The following COL22A1 variants were observed in gnomAD, a reference collection of about 807,000 sequenced individuals.
The protein encoded by COL22A1 is collagen type XXII alpha 1 chain.
Under a neutral mutation model 248.9 loss-of-function variants are expected in COL22A1, and 221 were observed. That is an observed-to-expected ratio of 0.89 (90% CI 0.80 to 0.99). COL22A1 has a LOEUF of 0.99. COL22A1 is among the 50% of genes least tolerant of loss of function. The probability of loss-of-function intolerance (pLI) is 0.00; values close to 1 mark genes in which losing one functional copy is unlikely to be tolerated. For synonymous variants in COL22A1, 891 were observed against 793.4 expected, an observed-to-expected ratio of 1.12 and a Z score of -2.07; for missense variants, 2,240 against 2,179.0, an observed-to-expected ratio of 1.03 and a Z score of -0.56.
intron 19 of COL22A1, 64 bp downstream of exon 19, chr8:138,755,721 G>T: frequency 2.0e-6 from 3 of 1,521,022 alleles, no homozygotes; most frequent in South Asian, 2.2e-5. Context: ...TAGAGGTGAA[G>T]ACTCATCCAA....
At chr8:138,630,649 G>C in intron 50 of COL22A1, 46 bp downstream of exon 50, 1 of 1,563,260 alleles carries the variant, frequency 6.4e-7, no homozygotes, top group Non-Finnish European at 8.8e-7. Context: ...GTTCCAGAAA[G>C]GCTAAAGACA....
At chr8:138,707,630 G>A (rs915213156) in intron 30 of COL22A1, among the ~76,000 whole-genome samples, 10 of 152,108 alleles carry the variant, frequency 6.6e-5, no homozygotes, top group South Asian at 4.1e-4. Flanking sequence ...TTGATGGGAC[G>A]TATCTCAAAA....
At position 138,826,795 on chromosome 8, in the gene COL22A1, G is replaced by A; in HGVS notation, c.846-14C>T. 1 of 1,613,744 alleles carries A rather than the reference G, an allele frequency of 6.2e-7. No homozygotes were observed. Among genetic ancestry groups the A allele is most frequent in the South Asian group, 1.1e-5 (1 of 90,994 alleles). On this transcript the variant is annotated splice_polypyrimidine_tract_variant and intron_variant, in intron 5 of 64. Coordinates refer to ENST00000303045, the MANE Select transcript of COL22A1 (RefSeq NM_152888.3). ...GGGAACACATCCCTGGAGAAAAATG[G>A]AGACAAAGACACCAGGCTTGGCGAT...
At chr8:138,627,832 T>C (rs903040534) in intron 50 of COL22A1, among the ~76,000 whole-genome samples, 3 of 152,206 alleles carry the variant, frequency 2.0e-5, no homozygotes, top group African/African-American at 7.2e-5. Flanking sequence ...AGTTATTTGC[T>C]ATGAAAGTCA....
rs12677298 is a variant in COL22A1 at position 138,700,355 on chromosome 8, C to T, written c.2560-211G>A. 0.012 allele frequency among the ~76,000 whole-genome samples: 1,834 copies of T among 152,278 alleles called. 39 individuals carry two copies. Among genetic ancestry groups the T allele is most frequent in the East Asian group, 0.089 (462 of 5,178 alleles). ...GCAGAAATGCATAGTGGTTAGATTCCGGAGCCCTGGAGGCAAAAGACCTGA... is the reference window on the plus strand; with the variant it reads ...GCAGAAATGCATAGTGGTTAGATTCTGGAGCCCTGGAGGCAAAAGACCTGA... On this transcript the variant is annotated intron_variant, in intron 31 of 64. Coordinates refer to ENST00000303045, the MANE Select transcript of COL22A1 (RefSeq NM_152888.3).
Position 138,883,075 on chromosome 8 carries a change from G to T in COL22A1, c.91+7C>A, listed in dbSNP as rs776736648. 1.9e-6 allele frequency: 3 copies of T among 1,572,050 alleles called. No homozygotes were observed. The highest frequency in any genetic ancestry group is 1.7e-6 in the Non-Finnish European group (2 of 1,161,122). Reference sequence around the variant, plus strand: ...GCACAGCATGGCACAGCCCACGGTGGCCCCACCTGCCCGCTGAGCCTGGCA... The same window carrying T: ...GCACAGCATGGCACAGCCCACGGTGTCCCCACCTGCCCGCTGAGCCTGGCA... On this transcript the variant is annotated splice_region_variant and intron_variant, in intron 2 of 64. Coordinates refer to ENST00000303045, the MANE Select transcript of COL22A1 (RefSeq NM_152888.3).
chr8:138,691,860 G>A lies in COL22A1; in HGVS notation c.2755-986C>T, dbSNP rs536702989. On this transcript the variant is annotated intron_variant, in intron 35 of 64. Coordinates refer to ENST00000303045, the MANE Select transcript of COL22A1 (RefSeq NM_152888.3). ...TATGTGGAGGTGTGTGTGCACGTGC[G>A]TGTGTGCATGTTTGTGGAGGTGTAT... 6.7e-3 allele frequency among the ~76,000 whole-genome samples: 670 copies of A among 99,484 alleles called. 1 individual carries two copies. Among genetic ancestry groups the A allele is most frequent in the Middle Eastern group, 0.014 (2 of 144 alleles). 65.3% of individuals were successfully genotyped at this position (99,484 alleles called of 152,430 possible).
Position 138,780,731 on chromosome 8 carries a change from G to C in COL22A1, c.1650+196C>G, listed in dbSNP as rs537867498. On this transcript the variant is annotated intron_variant, in intron 13 of 64. Coordinates refer to ENST00000303045, the MANE Select transcript of COL22A1 (RefSeq NM_152888.3). Reference sequence around the variant, plus strand: ...TTCCAAGGACAGGCAGGCGATACCCGGGGGGCAAAGCTGCTGCTGGTCTTG... The same window carrying C: ...TTCCAAGGACAGGCAGGCGATACCCCGGGGGCAAAGCTGCTGCTGGTCTTG... Among the ~76,000 whole-genome samples the C allele has an allele frequency of 2.6e-5, 4 of 152,228 alleles. No individual in the cohort carries two copies. The East Asian group carries it at 7.7e-4, about 29-fold the overall frequency.
At chr8:138,828,015 A>G (rs1819732362) in intron 5 of COL22A1, 1 of 150,326 alleles carries the variant, frequency 6.7e-6, no homozygotes, top group African/African-American at 2.5e-5. Flanking sequence ...ATCTCTCCCC[A>G]TCTGCTTGAC....
intron 30 of COL22A1, among the ~76,000 whole-genome samples, chr8:138,706,705 C>T (rs1285633123): frequency 6.6e-6 from 1 of 152,098 alleles, no homozygotes; most frequent in Non-Finnish European, 1.5e-5. Flanking sequence ...AAAATTGACA[C>T]CCTAACATCA....
chr8:138,620,101 TACTGCCC>T (rs1216799000), intron 52 of COL22A1: 2 of 155,480 alleles, frequency 1.3e-5, no homozygotes, highest in Non-Finnish European at 2.9e-5. Context: ...TAAAATTCTT[TACTGCCC>T]ACAGCTTGGC....
chr8:138,845,665 G>A (rs1453975905), intron 3 of COL22A1, among the ~76,000 whole-genome samples: 1 of 152,108 alleles, frequency 6.6e-6, no homozygotes, highest in Non-Finnish European at 1.5e-5. Flanking sequence ...ACCCTCTGTG[G>A]CTTAGAGAAG....
chr8:138,881,575 T>C (rs752852577), intron 2 of COL22A1, among the ~76,000 whole-genome samples: 3 of 152,092 alleles, frequency 2.0e-5, no homozygotes, highest in Non-Finnish European at 4.4e-5. Context: ...GTCCCAGCTA[T>C]GCAGGAGGCT....
chr8:138,725,581 A>C (rs1190139706), intron 23 of COL22A1, 141 bp from the exon 24 acceptor site: 2 of 725,376 alleles, frequency 2.8e-6, no homozygotes, highest in Non-Finnish European at 4.4e-6. Flanking sequence ...CTGATTTTTC[A>C]AACAAAAATA....
intron 25 of COL22A1, among the ~76,000 whole-genome samples, chr8:138,724,303 C>T (rs562888794): frequency 2.6e-5 from 4 of 152,216 alleles, no homozygotes; most frequent in Admixed American, 6.5e-5. Context: ...GACAAGCGGT[C>T]ATGCCTTCAG....
At chr8:138,765,352 C>G (rs1421420012) in intron 16 of COL22A1, among the ~76,000 whole-genome samples, 4 of 152,270 alleles carry the variant, frequency 2.6e-5, no homozygotes, top group South Asian at 4.1e-4. Context: ...GATGAGGAAA[C>G]TGGGAGCCCT....
In COL22A1 at chr8:138,598,822, T is replaced by C. The variant is rs1471181054; in HGVS notation, c.4262A>G (p.His1421Arg). 1 of 1,614,176 alleles carries C rather than the reference T, an allele frequency of 6.2e-7. No homozygotes were observed. Residue 1421 changes from histidine to arginine, a missense_variant, in exon 61 of 65, where the codon CAC becomes CGC. Coordinates refer to ENST00000303045, the MANE Select transcript of COL22A1 (RefSeq NM_152888.3). ...GQPGDPGIPGHKGHTGLMGPQ... is the reference protein window; with the variant it reads ...GQPGDPGIPGRKGHTGLMGPQ... ...ACCCATCAGGCCTGTGTGGCCTTTG[T>C]GGCCTGGGATTCCAGGGTCCCCAGG...
rs139798456 is a variant in COL22A1, at chr8:138,734,008, C to T, written c.2139+3516G>A. ...CAGCTTGGAGCCTGCGGAAATTATT[C>T]AAACTGTCCAATCCTAAGCCTGCTC... On this transcript the variant is annotated intron_variant, in intron 23 of 64. Coordinates refer to ENST00000303045, the MANE Select transcript of COL22A1 (RefSeq NM_152888.3). Among the ~76,000 whole-genome samples the T allele has an allele frequency of 9.0e-4, 137 of 152,270 alleles. 3 individuals carry two copies. Among genetic ancestry groups the T allele is most frequent in the Middle Eastern group, 3.4e-3 (1 of 294 alleles).
intron 62 of COL22A1, among the ~76,000 whole-genome samples, chr8:138,594,846 T>G (rs941098514): frequency 2.0e-5 from 3 of 152,080 alleles, no homozygotes; most frequent in Non-Finnish European, 4.4e-5. Flanking sequence ...TCACTTTTCC[T>G]CTCCGATGTC....
Sources: gnomAD v4.1 joint callset for allele counts (sites outside exome capture counted in the v4.1 genomes callset) on GRCh38, gnomAD v4.1.1 for gene constraint, MANE v1.5 for transcripts, NCBI Gene and HGNC (gene_info 2026-07-23, HGNC 2026-07-21) for gene names.